CDH13: variants seen among roughly 807,000 people sequenced by gnomAD.
CDH13 encodes cadherin-13.
CDH13 carries 24 observed loss-of-function variants against 63.8 expected under a neutral mutation model. The observed-to-expected ratio is 0.38, with a 90% CI of 0.27 to 0.53. CDH13 has a LOEUF of 0.53. CDH13 is among the 20% of genes least tolerant of loss of function. The probability of loss-of-function intolerance (pLI) is 0.85; values close to 1 mark genes in which losing one functional copy is unlikely to be tolerated. For missense variants in CDH13, 1,049 were observed against 903.1 expected (o/e 1.16, Z -2.07); for synonymous variants, 503 against 355.3 (o/e 1.42, Z -4.67).
At chr16:83,053,071 G>C (rs775290898) in intron 3 of CDH13, among the ~76,000 whole-genome samples, 1 of 152,076 alleles carries the variant, frequency 6.6e-6, no homozygotes, top group Non-Finnish European at 1.5e-5. Flanking sequence ...AAAATAGTAC[G>C]AATTTCCAGG....
chr16:82,689,982 TAAAAAAAAAAAA>T (rs71146085), intron 1 of CDH13, among the ~76,000 whole-genome samples: 122 of 15,772 alleles, frequency 7.7e-3, no homozygotes, highest in South Asian at 0.039. Flanking sequence ...CCATCTCTAC[TAAAAAAAAAAAA>T]AAAAAAAAAA....
At chr16:83,302,920 T>C (rs1221861687) in intron 5 of CDH13, among the ~76,000 whole-genome samples, 1 of 152,290 alleles carries the variant, frequency 6.6e-6, no homozygotes, top group Middle Eastern at 3.4e-3. Context: ...AAGGGCAGAC[T>C]TCCAGGTGCA....
intron 1 of CDH13, among the ~76,000 whole-genome samples, chr16:82,660,868 A>G (rs1355681026): frequency 6.6e-6 from 1 of 152,208 alleles, no homozygotes; most frequent in African/African-American, 2.4e-5. Context: ...GGATGTTAAC[A>G]AAGATGTAAA....
chr16:83,688,116 T>C (rs1343019339), intron 10 of CDH13, among the ~76,000 whole-genome samples: 1 of 152,228 alleles, frequency 6.6e-6, no homozygotes, highest in African/African-American at 2.4e-5. Context: ...TTACTGGTCT[T>C]CCCATGATTC....
intron 6 of CDH13, among the ~76,000 whole-genome samples, chr16:83,453,753 TG>T (rs2072945726): frequency 3.0e-3 from 1 of 336 alleles, no homozygotes; most frequent in South Asian, 0.25. Flanking sequence ...TTATCCACCA[TG>T]TATCTCCACC....
At chr16:83,689,957 G>A (rs1324274695) in intron 10 of CDH13, among the ~76,000 whole-genome samples, 3 of 152,176 alleles carry the variant, frequency 2.0e-5, no homozygotes, top group Non-Finnish European at 4.4e-5. Context: ...AGGCCAAGGT[G>A]GGTGGATCAC....
intron 7 of CDH13, among the ~76,000 whole-genome samples, chr16:83,493,398 A>G (rs774775579): frequency 1.3e-5 from 2 of 152,228 alleles, no homozygotes; most frequent in East Asian, 3.9e-4. Context: ...AGCACCACAA[A>G]TGTCTGCTGA....
intron 1 of CDH13, chr16:82,639,240 G>T: frequency 3.8e-6 from 2 of 529,204 alleles, no homozygotes; most frequent in Admixed American, 3.4e-5. Flanking sequence ...TGAGTTCCTA[G>T]TCTCTCAAAG....
rs114132812 is a variant in CDH13 at position 83,784,283 on chromosome 16, A to T, written c.2134+811A>T. On this transcript the variant is annotated intron_variant, in intron 13 of 13. Transcript: ENST00000567109. ...CTGCCAGGAAATCACATAGTACAAC[A>T]TTGGACATTCACGTATATAAAGCTC... is the stretch of plus-strand genomic sequence containing the variant. Among the ~76,000 whole-genome samples the T allele has an allele frequency of 5.0e-3, 756 of 152,266 alleles. 8 individuals carry two copies. The highest frequency in any genetic ancestry group is 0.017 in the African/African-American group (703 of 41,550).
chr16:83,462,743 G>T (rs1317711087), intron 6 of CDH13, among the ~76,000 whole-genome samples: 1 of 152,168 alleles, frequency 6.6e-6, no homozygotes, highest in African/African-American at 2.4e-5. Flanking sequence ...GTGACAGAGT[G>T]AGATTCTGCC....
intron 2 of CDH13, among the ~76,000 whole-genome samples, chr16:82,909,331 TAA>T (rs2041752362): frequency 2.0e-5 from 3 of 151,484 alleles, no homozygotes; most frequent in Admixed American, 6.6e-5. Flanking sequence ...GTGTTAAATA[TAA>T]GAGGTAATTA....
At chr16:82,706,524 A>C (rs907735665) in intron 1 of CDH13, among the ~76,000 whole-genome samples, 1 of 152,060 alleles carries the variant, frequency 6.6e-6, no homozygotes, top group African/African-American at 2.4e-5. Context: ...AGGAGTTTAC[A>C]GTTCTCTGTA....
intron 3 of CDH13, among the ~76,000 whole-genome samples, chr16:83,120,246 C>T (rs765464263): frequency 2.1e-4 from 32 of 152,048 alleles, no homozygotes; most frequent in South Asian, 6.2e-4. Flanking sequence ...TTCTGGGATG[C>T]GCCGTAATAA....
chr16:82,971,161 C>T (rs752893260), intron 2 of CDH13, among the ~76,000 whole-genome samples: 23 of 152,176 alleles, frequency 1.5e-4, no homozygotes, highest in Admixed American at 7.9e-4. Context: ...CCTCACCCTT[C>T]GAATGCGATG....
intron 5 of CDH13, among the ~76,000 whole-genome samples, chr16:83,252,364 T>C (rs1408247566): frequency 1.3e-5 from 2 of 151,946 alleles, no homozygotes; most frequent in African/African-American, 4.8e-5. Context: ...TAGGATGTTA[T>C]GGTTAATATA....
intron 1 of CDH13, among the ~76,000 whole-genome samples, chr16:82,634,908 T>A (rs934831654): frequency 6.6e-6 from 1 of 152,202 alleles, no homozygotes; most frequent in African/African-American, 2.4e-5. Context: ...ATCTACTATG[T>A]TCCAAGCACC....
rs1474397450 is a variant in CDH13 at position 83,602,510 on chromosome 16, G to A, written c.1017G>A (p.Leu339=). The change falls in exon 8 of 14, where the codon CTG becomes CTA. Residue 339 remains leucine, a synonymous_variant. Coordinates refer to ENST00000567109, the MANE Select transcript of CDH13 (RefSeq NM_001257.5). ...TCGAGGCTCAAGATATGGCTGGACT[G>A]GATGTTGGATTAACAGGCACGGCCA... ...LIIEAQDMAG[L]DVGLTGTATA... The A allele has an allele frequency of 1.9e-6, 3 of 1,613,854 alleles. No individual in the cohort carries two copies. The highest frequency in any genetic ancestry group is 2.5e-6 in the Non-Finnish European group (3 of 1,179,764).
intron 3 of CDH13, among the ~76,000 whole-genome samples, chr16:83,091,192 T>G (rs906620574): frequency 6.6e-6 from 1 of 152,136 alleles, no homozygotes; most frequent in Non-Finnish European, 1.5e-5. Flanking sequence ...CTTTCTTCCT[T>G]CTTTCCTTCC....
intron 3 of CDH13, among the ~76,000 whole-genome samples, chr16:83,082,363 G>A (rs189513382): frequency 6.6e-6 from 1 of 152,168 alleles, no homozygotes; most frequent in Non-Finnish European, 1.5e-5. Context: ...AGATCTCCCT[G>A]CCCTTAATCC....
Sources: gnomAD v4.1 joint callset for allele counts (sites outside exome capture counted in the v4.1 genomes callset) on GRCh38, gnomAD v4.1.1 for gene constraint, MANE v1.5 for transcripts, NCBI Gene and HGNC (gene_info 2026-07-23, HGNC 2026-07-21) for gene names.